Variants in TMCC2 observed in about 807,000 individuals in gnomAD.
The protein encoded by TMCC2 is transmembrane and coiled-coil domain family 2, also known as transmembrane and coiled-coil domains protein 2.
A neutral mutation model predicts 49.4 loss-of-function variants in TMCC2; 16 were observed. That is an observed-to-expected ratio of 0.32 (90% CI 0.22 to 0.49). The LOEUF is 0.49. TMCC2 is among the 20% of genes least tolerant of loss of function. TMCC2 has a pLI of 0.99. For synonymous variants in TMCC2, 397 were observed against 434.1 expected, an observed-to-expected ratio of 0.91 and a Z score of 1.06; for missense variants, 762 against 989.8, an observed-to-expected ratio of 0.77 and a Z score of 3.09.
At chr1:205,263,994 G>C (rs1310388245) in intron 2 of TMCC2, among the ~76,000 whole-genome samples, 1 of 152,136 alleles carries the variant, frequency 6.6e-6, no homozygotes, top group Non-Finnish European at 1.5e-5. Context: ...TGTAGGCCTT[G>C]GTTTTCTCTC....
At chr1:205,263,493 C>T (rs371138619) in intron 2 of TMCC2, among the ~76,000 whole-genome samples, 1 of 152,030 alleles carries the variant, frequency 6.6e-6, no homozygotes, top group East Asian at 1.9e-4. Context: ...GAGTTTGAGA[C>T]CAGCCTGGGC....
Position 205,272,340 on chromosome 1 carries a change from C to G in TMCC2, c.*216C>G. 1 of 959,502 alleles carries G rather than the reference C, an allele frequency of 1.0e-6. No homozygotes were observed. Among genetic ancestry groups the G allele is most frequent in the Non-Finnish European group, 1.5e-6 (1 of 670,226 alleles). The allele number at this position is 959,502 out of a possible 1,614,324, so 59.4% of individuals were successfully genotyped here. On this transcript the variant is annotated 3_prime_UTR_variant, in exon 5 of 5. Transcript: ENST00000358024. ...AATGCAGCCCTACCTGGAGATAGTGCGGGCACCTGTGGCCAAGTGGAGCAG... is the reference window on the plus strand; with the variant it reads ...AATGCAGCCCTACCTGGAGATAGTGGGGGCACCTGTGGCCAAGTGGAGCAG...
At chr1:205,232,409 AC>A (rs1280760761) in intron 1 of TMCC2, among the ~76,000 whole-genome samples, 3 of 151,888 alleles carry the variant, frequency 2.0e-5, no homozygotes, top group African/African-American at 7.3e-5. Flanking sequence ...CTGTTGAAAC[AC>A]TCGAGTTCAT....
intron 1 of TMCC2, among the ~76,000 whole-genome samples, chr1:205,234,947 C>T (rs1659974720): frequency 6.6e-6 from 1 of 152,150 alleles, no homozygotes; most frequent in African/African-American, 2.4e-5. Context: ...GCGTGAGCCA[C>T]TGCGCACGGC....
At position 205,228,506 on chromosome 1, in the gene TMCC2, G is replaced by A. The variant is rs532862096; in HGVS notation, c.-59G>A. Reference sequence around the variant, plus strand: ...CTCATATGAATATAAGAGGGGGTGCGGTCTTCCCCAAGACGGCGCGCTGGA... The same window carrying A: ...CTCATATGAATATAAGAGGGGGTGCAGTCTTCCCCAAGACGGCGCGCTGGA... On this transcript the variant is annotated 5_prime_UTR_variant, in exon 1 of 5. Transcript: ENST00000358024. 4 of 1,469,666 alleles carry A rather than the reference G, an allele frequency of 2.7e-6. No homozygotes were observed. Among genetic ancestry groups the A allele is most frequent in the African/African-American group, 2.8e-5 (2 of 71,534 alleles). The allele number at this position is 1,469,666 out of a possible 1,614,324, so 91.0% of individuals were successfully genotyped here.
intron 1 of TMCC2, chr1:205,229,195 G>A (rs866618211): frequency 2.3e-4 from 146 of 637,102 alleles, no homozygotes; most frequent in South Asian, 3.3e-4. Context: ...GTGTGTGTGT[G>A]TGTATGTGTG....
At chr1:205,252,241 TG>T (rs1660696870) in intron 2 of TMCC2, among the ~76,000 whole-genome samples, 1 of 152,186 alleles carries the variant, frequency 6.6e-6, no homozygotes, top group South Asian at 2.1e-4. Context: ...TGGCATTAGA[TG>T]GGCAGAGGAC....
rs1661637755 is a variant in TMCC2, at chr1:205,272,431, C to T, written c.*307C>T. The T allele has an allele frequency of 2.5e-6, 1 of 397,108 alleles. No individual in the cohort carries two copies. The highest frequency in any genetic ancestry group is 4.5e-6 in the Non-Finnish European group (1 of 221,802). 24.6% of individuals were successfully genotyped at this position (397,108 alleles called of 1,614,324 possible). ...ACACAAGGACTTCTCCCAGCTGACC[C>T]TCAGGATGCCCCAAGTCAGGAAGAC... On this transcript the variant is annotated 3_prime_UTR_variant, in exon 5 of 5. Coordinates refer to ENST00000358024, the MANE Select transcript of TMCC2 (RefSeq NM_014858.4).
rs935393398 is a variant in TMCC2 at position 205,230,912 on chromosome 1, G to A, written c.207+2141G>A. ...AACTTTACACTTGATATTAACTGCC[G>A]AACTGCCCTCAACCAGAATTGAAAT... is the stretch of plus-strand genomic sequence containing the variant. On this transcript the variant is annotated intron_variant, in intron 1 of 4. Coordinates refer to ENST00000358024, the MANE Select transcript of TMCC2 (RefSeq NM_014858.4). 2.4e-4 allele frequency among the ~76,000 whole-genome samples: 36 copies of A among 150,816 alleles called. 1 individual carries two copies. Among genetic ancestry groups the A allele is most frequent in the African/African-American group, 8.8e-4 (36 of 40,974 alleles).
intron 3 of TMCC2, 109 bp downstream of exon 3, chr1:205,269,993 C>A (rs1768585): frequency 1.0e-5 from 11 of 1,079,180 alleles, no homozygotes; most frequent in African/African-American, 4.7e-5. Flanking sequence ...CATCCTCAGC[C>A]TCCTGGCTGC....
chr1:205,241,422 C>G lies in TMCC2; in HGVS notation c.208-83C>G. ...ATTAGCTATGCCAGTCTACCAAGGA[C>G]AGACCCTTCACCTTCACCCTCCTAC... is the stretch of plus-strand genomic sequence containing the variant. On this transcript the variant is annotated intron_variant, in intron 1 of 4. Transcript: ENST00000358024. The surrounding 1 kb of genome is among the most constrained non-coding windows in gnomAD (Gnocchi z 7.3). 1 of 1,428,708 alleles carries G rather than the reference C, an allele frequency of 7.0e-7. No individual in the cohort carries two copies. The highest frequency in any genetic ancestry group is 9.6e-7 in the Non-Finnish European group (1 of 1,040,108). 88.5% of individuals were successfully genotyped at this position (1,428,708 alleles called of 1,614,324 possible). A position where few individuals can be genotyped will look rare whatever the true frequency, so the allele number is the denominator to read the frequency against.
rs1363717681 is a variant in TMCC2 at position 205,271,876 on chromosome 1, G to A, written c.1882G>A (p.Val628Met). Reference sequence around the variant, plus strand: ...GGAGCTGCAGCAGCAACAGCAGCAGGTGGTACAGCTGGAGGGCGTGGAGAA... The same window carrying A: ...GGAGCTGCAGCAGCAACAGCAGCAGATGGTACAGCTGGAGGGCGTGGAGAA... ...KLELQQQQQQ[V>M]VQLEGVENAN... Residue 628 changes from valine (V) to methionine (M), a missense_variant, in exon 5 of 5, where the codon GTG becomes ATG. Physicochemically the swap from Val to Met is conservative, Grantham distance 21. This residue lies in a region of TMCC2 where 440 missense variants were observed against 636.7 expected (regional missense o/e 0.69). Transcript: ENST00000358024. 6.2e-7 allele frequency: 1 copy of A among 1,614,036 alleles called. No homozygotes were observed. Among genetic ancestry groups the A allele is most frequent in the African/African-American group, 1.3e-5 (1 of 75,056 alleles).
intron 1 of TMCC2, 90 bp downstream of exon 1, chr1:205,228,861 G>A: frequency 6.8e-7 from 1 of 1,473,226 alleles, no homozygotes; most frequent in Non-Finnish European, 9.0e-7. Flanking sequence ...TAAAAGTGAG[G>A]GGGGAAGCCA....
Position 205,271,970 on chromosome 1 carries a change from T to C in TMCC2, c.1976T>C (p.Val659Ala), listed in dbSNP as rs762571756. The C allele has an allele frequency of 6.2e-7, 1 of 1,614,216 alleles. No individual in the cohort carries two copies. Among genetic ancestry groups the C allele is most frequent in the East Asian group, 2.2e-5 (1 of 44,886 alleles). The change falls in exon 5 of 5, where the codon GTG becomes GCG. Residue 659 changes from valine (V) to alanine (A), a missense_variant. By Grantham distance (64) the Val-to-Ala change is moderately conservative (BLOSUM62 0). Transcript: ENST00000358024. ...CTGGCGCTCATGGCCGTGCTGCTGG[T>C]GTTCGTGTCCACCATCGCCAACTTC... is the stretch of plus-strand genomic sequence containing the variant. ...VILALMAVLL[V>A]FVSTIANFIT...
chr1:205,243,266 C>T (rs1482849828), intron 2 of TMCC2, among the ~76,000 whole-genome samples: 1 of 152,160 alleles, frequency 6.6e-6, no homozygotes, highest in African/African-American at 2.4e-5. Flanking sequence ...CGACTGTAAT[C>T]CCAGCTCCTC....
rs138277340 is a variant in TMCC2, at chr1:205,229,112, T to C, written c.207+341T>C. The stretch of plus-strand genomic sequence containing the variant: ...CCAAAAAGTGGACAGCAGGTGACCA[T>C]TAGTTTTCCTTGCTGAGTAAGTCTC... On this transcript the variant is annotated intron_variant, in intron 1 of 4. Transcript: ENST00000358024. 6,217 of 1,151,516 alleles carry C rather than the reference T, an allele frequency of 5.4e-3. 20 individuals are homozygous for C. The highest frequency in any genetic ancestry group is 6.1e-3 in the Non-Finnish European group (5,666 of 926,854). The allele number at this position is 1,151,516 out of a possible 1,614,324, so 71.3% of individuals were successfully genotyped here.
At chr1:205,248,771 A>G (rs1558648879) in intron 2 of TMCC2, among the ~76,000 whole-genome samples, 1 of 150,344 alleles carries the variant, frequency 6.7e-6, no homozygotes. Context: ...AGAGGGTTGT[A>G]TTTCTCCTTC....
intron 2 of TMCC2, chr1:205,257,139 C>G (rs539059883): frequency 1.6e-6 from 2 of 1,232,422 alleles, no homozygotes; most frequent in Admixed American, 4.2e-5. Flanking sequence ...CCCGTGAGCC[C>G]CAGGGGAGGG....
intron 2 of TMCC2, among the ~76,000 whole-genome samples, chr1:205,248,719 T>C (rs534648782): frequency 4.1e-4 from 62 of 151,246 alleles, no homozygotes; most frequent in African/African-American, 1.3e-3. Context: ...TTCTCCCTCT[T>C]CTTTTTTTTT....
Sources: allele counts gnomAD v4.1 joint callset (sites outside exome capture counted in the v4.1 genomes callset), GRCh38; gene constraint gnomAD v4.1.1; regional missense constraint gnomAD v4.1.1; non-coding constraint Gnocchi (gnomAD v3.1); transcripts MANE v1.5; gene names NCBI Gene and HGNC (gene_info 2026-07-23, HGNC 2026-07-21).